The following DGKB variants were observed in gnomAD, a reference collection of about 807,000 sequenced individuals.
DGKB encodes diacylglycerol kinase beta.
Under a neutral mutation model 114.3 loss-of-function variants are expected in DGKB, and 67 were observed. The ratio of observed to expected loss-of-function variants is 0.59; its 90% confidence interval spans 0.48 to 0.72. The LOEUF is 0.72. Among genes scored for constraint, DGKB ranks in the 30% least tolerant of loss-of-function variants. The pLI is 0.00. For synonymous variants in DGKB, 398 were observed against 323.1 expected, an observed-to-expected ratio of 1.23 and a Z score of -2.49; for missense variants, 907 against 975.2, an observed-to-expected ratio of 0.93 and a Z score of 0.93.
intron 1 of DGKB, among the ~76,000 whole-genome samples, chr7:14,913,696 G>C (rs1352354272): frequency 6.6e-6 from 1 of 151,872 alleles, no homozygotes; most frequent in Non-Finnish European, 1.5e-5. Flanking sequence ...TTGACATTTG[G>C]GAAGAATTTT....
At chr7:14,244,045 G>C (rs1317031481) in intron 23 of DGKB, among the ~76,000 whole-genome samples, 1 of 139,304 alleles carries the variant, frequency 7.2e-6, no homozygotes, top group Admixed American at 7.2e-5. Flanking sequence ...GACAGAGAGA[G>C]AGAGAGAGGG....
At chr7:14,716,512 T>C (rs971499033) in intron 6 of DGKB, among the ~76,000 whole-genome samples, 1 of 152,220 alleles carries the variant, frequency 6.6e-6, no homozygotes, top group African/African-American at 2.4e-5. Context: ...CTGGTCTATA[T>C]TGTATTTAGT....
At chr7:14,958,469 ACACACACC>A (rs1786648527) in intron 1 of DGKB, among the ~76,000 whole-genome samples, 1 of 146,646 alleles carries the variant, frequency 6.8e-6, no homozygotes, top group African/African-American at 2.5e-5. Context: ...ACACACACAC[ACACACACC>A]CCGTCCAGGA....
intron 2 of DGKB, among the ~76,000 whole-genome samples, chr7:14,833,311 A>G (rs991809515): frequency 3.9e-5 from 6 of 152,170 alleles, no homozygotes; most frequent in South Asian, 2.1e-4. Context: ...TCCAGAATTA[A>G]AATCTTCAAT....
chr7:14,382,479 C>T (rs1819651693), intron 21 of DGKB, among the ~76,000 whole-genome samples: 1 of 151,848 alleles, frequency 6.6e-6, no homozygotes, highest in African/African-American at 2.4e-5. Context: ...GACACATACA[C>T]ACATATATCC....
At chr7:14,412,031 C>T (rs981259171) in intron 21 of DGKB, among the ~76,000 whole-genome samples, 4 of 152,004 alleles carry the variant, frequency 2.6e-5, no homozygotes, top group African/African-American at 4.8e-5. Flanking sequence ...ATTTTGTTTA[C>T]TTGTGTGGTT....
At chr7:14,567,586 T>G (rs1469472740) in intron 20 of DGKB, among the ~76,000 whole-genome samples, 2 of 98,238 alleles carry the variant, frequency 2.0e-5, no homozygotes, top group Non-Finnish European at 3.7e-5. Flanking sequence ...TATCCAATTA[T>G]AAATAAAGAT....
chr7:14,465,168 CAT>C (rs1255597927), intron 21 of DGKB, among the ~76,000 whole-genome samples: 1 of 152,138 alleles, frequency 6.6e-6, no homozygotes, highest in East Asian at 1.9e-4. Flanking sequence ...GTCTTTACCA[CAT>C]GTTACTGTGA....
At chr7:14,176,622 C>G (rs1164778749) in intron 25 of DGKB, 3 of 1,283,142 alleles carry the variant, frequency 2.3e-6, no homozygotes, top group African/African-American at 3.0e-5. Context: ...TATACTTAGG[C>G]TAACACAAAC....
intron 1 of DGKB, among the ~76,000 whole-genome samples, chr7:14,876,317 T>G (rs575670092): frequency 1.3e-5 from 2 of 152,326 alleles, no homozygotes; most frequent in African/African-American, 4.8e-5. Flanking sequence ...AAAACTACAG[T>G]GAGCTGCTAC....
intron 5 of DGKB, among the ~76,000 whole-genome samples, chr7:14,723,179 G>A (rs1048749574): frequency 4.6e-5 from 7 of 151,878 alleles, no homozygotes; most frequent in East Asian, 1.9e-4. Context: ...CAACATGTAC[G>A]GCAACCAAAA....
chr7:14,689,794 G>C (rs1360859437), intron 9 of DGKB, among the ~76,000 whole-genome samples: 1 of 152,192 alleles, frequency 6.6e-6, no homozygotes, highest in Admixed American at 6.5e-5. Context: ...AAATCGATGT[G>C]CTGAACATCA....
intron 20 of DGKB, among the ~76,000 whole-genome samples, chr7:14,545,272 C>T (rs1035216960): frequency 4.6e-5 from 7 of 152,128 alleles, no homozygotes; most frequent in African/African-American, 1.7e-4. Context: ...GAGACTCCCA[C>T]TGAAGTCTAT....
intron 21 of DGKB, among the ~76,000 whole-genome samples, chr7:14,422,725 G>T (rs1264388117): frequency 6.6e-6 from 1 of 151,942 alleles, no homozygotes; most frequent in African/African-American, 2.4e-5. Flanking sequence ...TGTCATGCAT[G>T]AGACTGGTTC....
chr7:14,224,191 A>G (rs762445231), intron 23 of DGKB, among the ~76,000 whole-genome samples: 1 of 151,672 alleles, frequency 6.6e-6, no homozygotes, highest in Non-Finnish European at 1.5e-5. Flanking sequence ...TCTGAGTAGC[A>G]TTTTTCTTCA....
chr7:14,586,381 A>G (rs1800766394), intron 17 of DGKB, among the ~76,000 whole-genome samples: 1 of 152,036 alleles, frequency 6.6e-6, no homozygotes, highest in Non-Finnish European at 1.5e-5. Context: ...GAGAGATGTG[A>G]GGAAGCTGAA....
chr7:14,458,752 T>C (rs1832659626), intron 21 of DGKB, among the ~76,000 whole-genome samples: 2 of 152,150 alleles, frequency 1.3e-5, no homozygotes, highest in African/African-American at 4.8e-5. Flanking sequence ...GCCATGGGTT[T>C]CAAGTACAAA....
In DGKB at chr7:14,147,434, A is replaced by G. The variant is rs919989665; in HGVS notation, c.*1697T>C. 1 of 152,160 alleles carries G rather than the reference A, an allele frequency of 6.6e-6. No individual in the cohort carries two copies. Among genetic ancestry groups the G allele is most frequent in the Non-Finnish European group, 1.5e-5 (1 of 67,990 alleles). The allele number at this position is 152,160 out of a possible 1,614,324, so 9.4% of individuals were successfully genotyped here. On this transcript the variant is annotated 3_prime_UTR_variant, in exon 26 of 26. Coordinates refer to ENST00000402815, the MANE Select transcript of DGKB (RefSeq NM_001350709.2). ...TTTGTACGTAATCTTCCATTATAGC[A>G]CATTGCTTGAGAGCAGCTATTTGAT...
At chr7:14,930,100 G>C (rs1324040015) in intron 1 of DGKB, among the ~76,000 whole-genome samples, 2 of 152,108 alleles carry the variant, frequency 1.3e-5, no homozygotes, top group Non-Finnish European at 2.9e-5. Flanking sequence ...TTTTACACCA[G>C]TACCATGCTG....
Sources: allele counts gnomAD v4.1 joint callset (sites outside exome capture counted in the v4.1 genomes callset), GRCh38; gene constraint gnomAD v4.1.1; transcripts MANE v1.5; gene names NCBI Gene and HGNC (gene_info 2026-07-23, HGNC 2026-07-21).